The following ING5 variants were observed in gnomAD, a reference collection of about 807,000 sequenced individuals.
ING5 encodes inhibitor of growth protein 5.
A neutral mutation model predicts 37.4 loss-of-function variants in ING5; 17 were observed. The ratio of observed to expected loss-of-function variants is 0.45; its 90% CI spans 0.31 to 0.68. The LOEUF is 0.68. ING5 is among the 30% of genes least tolerant of loss of function. The probability of loss-of-function intolerance (pLI) is 0.05; values close to 1 mark genes in which losing one functional copy is unlikely to be tolerated. For synonymous variants in ING5, 123 were observed against 116.6 expected, an observed-to-expected ratio of 1.06 and a Z score of -0.36; for missense variants, 233 against 311.9, an observed-to-expected ratio of 0.75 and a Z score of 1.91.
intron 5 of ING5, chr2:241,721,101 G>A (rs528245925): frequency 6.6e-5 from 65 of 985,658 alleles, no homozygotes; most frequent in East Asian, 4.5e-4. Context: ...AGAGGAGGGC[G>A]TCAGCGTTTC....
Position 241,705,394 on chromosome 2 carries a change from C to CTTTTTTTTTT in ING5, c.109+682_109+691dup, listed in dbSNP as rs774566608. On this transcript the variant is annotated intron_variant, in intron 2 of 7. Transcript: ENST00000313552. ...CGCCTGGCCCTAACTCTGTTTTTTT[C>CTTTTTTTTTT]TTTTTTTTTTTTTTTTTTTTTGAGA... is the stretch of plus-strand genomic sequence containing the variant. Among the ~76,000 whole-genome samples, 56 of 117,246 alleles carry CTTTTTTTTTT rather than the reference C, an allele frequency of 4.8e-4. 1 individual carries two copies. Among genetic ancestry groups the CTTTTTTTTTT allele is most frequent in the African/African-American group, 7.1e-4 (22 of 31,168 alleles). 76.9% of individuals were successfully genotyped at this position (117,246 alleles called of 152,430 possible). A position where few individuals can be genotyped will look rare whatever the true frequency, so the allele number is the denominator to read the frequency against.
At chr2:241,702,781 C>T (rs1462934240) in intron 1 of ING5, among the ~76,000 whole-genome samples, 1 of 152,264 alleles carries the variant, frequency 6.6e-6, no homozygotes, top group African/African-American at 2.4e-5. Context: ...AGGGAAGGTC[C>T]AGCGCTGCCG....
At chr2:241,699,763 G>A (rs1354339984), upstream of ING5, among the ~76,000 whole-genome samples, 2 of 151,944 alleles carry the variant, frequency 1.3e-5, no homozygotes, top group African/African-American at 2.4e-5. Context: ...CCTTTGGGAC[G>A]TCCTCTTGAG....
chr2:241,697,556 A>T (rs1330293743), upstream of ING5, among the ~76,000 whole-genome samples: 5 of 152,140 alleles, frequency 3.3e-5, no homozygotes, highest in African/African-American at 1.2e-4. Flanking sequence ...CCTTAAATGC[A>T]TATTGCTGAG....
upstream of ING5, among the ~76,000 whole-genome samples, chr2:241,701,447 C>T (rs1015096560): frequency 3.3e-5 from 5 of 152,308 alleles, no homozygotes; most frequent in East Asian, 7.7e-4. Flanking sequence ...CCGCTTTCCT[C>T]GGAGGGAAGG....
At chr2:241,697,079 G>A (rs772611073), upstream of ING5, among the ~76,000 whole-genome samples, 14 of 149,920 alleles carry the variant, frequency 9.3e-5, no homozygotes, top group South Asian at 2.1e-4. Context: ...GACAGACTCC[G>A]TTTCAAAATA....
At chr2:241,721,577 C>A in intron 5 of ING5, 2 of 985,444 alleles carry the variant, frequency 2.0e-6, no homozygotes, top group Non-Finnish European at 2.4e-6. Flanking sequence ...CCCTCTGGGA[C>A]CCAGACTTCT....
chr2:241,722,900 C>T, intron 5 of ING5, 39 bp from the exon 6 acceptor site: 2 of 1,610,694 alleles, frequency 1.2e-6, no homozygotes, highest in Non-Finnish European at 1.7e-6. Context: ...TCACTTCCCA[C>T]CATGGCCTTC....
intron 5 of ING5, chr2:241,719,652 G>T: frequency 2.0e-6 from 3 of 1,535,200 alleles, no homozygotes; most frequent in South Asian, 2.4e-5. Context: ...GGGGGTCCTC[G>T]TGGGGGTGAA....
At chr2:241,702,655 G>A (rs1430957697) in intron 1 of ING5, among the ~76,000 whole-genome samples, 2 of 152,236 alleles carry the variant, frequency 1.3e-5, no homozygotes, top group African/African-American at 4.8e-5. Context: ...GCGGCGCGGA[G>A]GCGGGGAGGG....
At chr2:241,707,966 C>T (rs1465250443) in intron 2 of ING5, among the ~76,000 whole-genome samples, 4 of 152,188 alleles carry the variant, frequency 2.6e-5, no homozygotes, top group East Asian at 3.9e-4. Context: ...GGCACGGTCT[C>T]GGCTCACTGC....
chr2:241,703,450 G>A (rs565221589), intron 1 of ING5, among the ~76,000 whole-genome samples: 42 of 152,168 alleles, frequency 2.8e-4, no homozygotes, highest in African/African-American at 8.9e-4. Context: ...AAAGCAGCAC[G>A]GGGGTCCTCC....
exon 2 of ING5, chr2:241,690,424 G>A: frequency 2.6e-6 from 1 of 392,082 alleles, no homozygotes; most frequent in Non-Finnish European, 4.5e-6. Flanking sequence ...AGTGACATCA[G>A]GTTGGTCCAC....
chr2:241,689,947 C>A lies in ING5; in HGVS notation c.-664C>A, dbSNP rs1412764889. ...AAGGGGATTGTAGGAAGGAAGACCACCTTCCAGAGGATGAAGGGGATTGTA... is the reference window on the plus strand; with the variant it reads ...AAGGGGATTGTAGGAAGGAAGACCAACTTCCAGAGGATGAAGGGGATTGTA... On this transcript the variant is annotated 5_prime_UTR_variant, in exon 2 of 8. Transcript: ENST00000636051. 9 of 151,322 alleles carry A rather than the reference C, an allele frequency of 5.9e-5. No homozygotes were observed. In the East Asian group the frequency reaches 1.8e-3, roughly 30 times the overall value. 9.4% of individuals were successfully genotyped at this position (151,322 alleles called of 1,614,324 possible).
chr2:241,723,751 C>A (rs764023374), intron 7 of ING5: 11 of 1,597,908 alleles, frequency 6.9e-6, no homozygotes, highest in Non-Finnish European at 9.3e-6. Context: ...ACCCTTGCAT[C>A]CCCTTGGCAA....
intron 2 of ING5, among the ~76,000 whole-genome samples, chr2:241,696,430 A>C (rs2124857505): frequency 6.6e-6 from 1 of 152,022 alleles, no homozygotes; most frequent in African/African-American, 2.4e-5. Flanking sequence ...AAAACAAAAA[A>C]CAAAACAGAA....
chr2:241,704,358 A>C (rs2069836116), intron 1 of ING5, among the ~76,000 whole-genome samples: 1 of 152,170 alleles, frequency 6.6e-6, no homozygotes, highest in South Asian at 2.1e-4. Flanking sequence ...ACCTGAGGTC[A>C]GGAGTTCGAG....
At chr2:241,711,924 T>TG in intron 4 of ING5, 54 bp from the exon 5 acceptor site, 2 of 1,462,412 alleles carry the variant, frequency 1.4e-6, no homozygotes, top group Non-Finnish European at 1.8e-6. Flanking sequence ...ACACAAAACT[T>TG]GCCTTGCTTT....
chr2:241,706,117 TTC>T (rs1435849584), intron 2 of ING5, among the ~76,000 whole-genome samples: 3 of 152,186 alleles, frequency 2.0e-5, no homozygotes, highest in Non-Finnish European at 4.4e-5. Flanking sequence ...TGTGTGTGCT[TTC>T]TTTCCGCAGA....
Sources: allele counts gnomAD v4.1 joint callset (sites outside exome capture counted in the v4.1 genomes callset), GRCh38; gene constraint gnomAD v4.1.1; transcripts MANE v1.5; gene names NCBI Gene and HGNC (gene_info 2026-07-23, HGNC 2026-07-21).